L3MBTL3: variants seen among roughly 807,000 people sequenced by gnomAD.
L3MBTL3 encodes lethal(3)malignant brain tumor-like protein 3.
In L3MBTL3, 27 loss-of-function variants were observed where a neutral mutation model predicts 102.3. The ratio of observed to expected loss-of-function variants is 0.26; its 90% CI spans 0.19 to 0.36. L3MBTL3 has a LOEUF of 0.36. Ranked by LOEUF, L3MBTL3 falls within the 10% of genes least tolerant of loss-of-function variation. The pLI is 1.00. For missense variants in L3MBTL3, 798 were observed against 955.3 expected, an observed-to-expected ratio of 0.84 and a Z score of 2.17; for synonymous variants, 340 against 320.9, an observed-to-expected ratio of 1.06 and a Z score of -0.64.
At chr6:130,078,667 C>A in intron 14 of L3MBTL3, 33 bp downstream of exon 14, 1 of 1,404,804 alleles carries the variant, frequency 7.1e-7, no homozygotes, top group African/African-American at 1.4e-5. Flanking sequence ...TAATACTATT[C>A]GTAGACTTCA....
chr6:130,110,307 G>A (rs6916383), intron 19 of L3MBTL3, among the ~76,000 whole-genome samples: 6,177 of 152,228 alleles, frequency 0.041, 402 homozygotes, highest in African/African-American at 0.14. Context: ...CCATTTTCAC[G>A]ATATTGTTTC....
intron 2 of L3MBTL3, among the ~76,000 whole-genome samples, chr6:130,041,107 C>G (rs1780395480): frequency 6.6e-6 from 1 of 152,142 alleles, no homozygotes; most frequent in Non-Finnish European, 1.5e-5. Context: ...GGCTCAGAGA[C>G]CCTTGAGGAA....
chr6:130,137,413 G>A (rs911833121), intron 22 of L3MBTL3, among the ~76,000 whole-genome samples: 1 of 152,190 alleles, frequency 6.6e-6, no homozygotes, highest in Non-Finnish European at 1.5e-5. Flanking sequence ...GTACTTTCCT[G>A]AATTAAGTTG....
At chr6:130,082,532 A>G (rs1299167912) in intron 14 of L3MBTL3, among the ~76,000 whole-genome samples, 2 of 152,210 alleles carry the variant, frequency 1.3e-5, no homozygotes, top group Non-Finnish European at 2.9e-5. Context: ...GTAACCAGTT[A>G]TAGCCCCTTT....
chr6:130,026,065 G>A (rs116808566), intron 2 of L3MBTL3, among the ~76,000 whole-genome samples: 81 of 152,232 alleles, frequency 5.3e-4, no homozygotes, highest in African/African-American at 1.8e-3. Flanking sequence ...TGGTAAATGT[G>A]TTCCTGTGAT....
chr6:130,108,588 A>G (rs913971842), intron 19 of L3MBTL3, among the ~76,000 whole-genome samples: 12 of 151,856 alleles, frequency 7.9e-5, no homozygotes, highest in Admixed American at 7.2e-4. Context: ...TTGTTTCATT[A>G]TATGTCTTTT....
intron 20 of L3MBTL3, among the ~76,000 whole-genome samples, chr6:130,122,926 C>T (rs1405488902): frequency 2.6e-5 from 4 of 151,666 alleles, no homozygotes; most frequent in Non-Finnish European, 1.5e-5. Context: ...GGAGTATTCA[C>T]TCTTATTAAT....
chr6:130,093,521 C>CA, intron 17 of L3MBTL3, among the ~76,000 whole-genome samples: 1 of 152,276 alleles, frequency 6.6e-6, no homozygotes, highest in Admixed American at 6.5e-5. Flanking sequence ...ACATGGCATT[C>CA]AGTGTAGCCT....
rs1200799828 is a variant in L3MBTL3 at position 130,133,501 on chromosome 6, C to G, written c.2016C>G (p.Val672=). Residue 672 remains valine, a synonymous_variant, in exon 21 of 23, where the codon GTC becomes GTG. Coordinates refer to ENST00000361794, the MANE Select transcript of L3MBTL3 (RefSeq NM_032438.4). The surrounding 1 kb of genome is among the most constrained non-coding windows in gnomAD (Gnocchi z 4.9). ...TVQQAQRRSA[V]FLSFKSPIPC... is the part of the protein sequence containing the mutation. ...AGCAGGCACAGCGTCGGTCAGCTGT[C>G]TTTCTGTCCTTTAAGTCCCCAATTC... 1 of 1,614,176 alleles carries G rather than the reference C, an allele frequency of 6.2e-7. No homozygotes were observed. The highest frequency in any genetic ancestry group is 1.7e-5 in the Admixed American group (1 of 60,034).
intron 2 of L3MBTL3, among the ~76,000 whole-genome samples, chr6:130,027,842 T>C (rs1336576380): frequency 6.6e-6 from 1 of 152,190 alleles, no homozygotes; most frequent in Non-Finnish European, 1.5e-5. Flanking sequence ...TGTGTCAGGT[T>C]CTTGTTCTTT....
intron 2 of L3MBTL3, among the ~76,000 whole-genome samples, chr6:130,031,390 A>G (rs563544404): frequency 6.6e-6 from 1 of 152,336 alleles, no homozygotes; most frequent in African/African-American, 2.4e-5. Flanking sequence ...GAGGGATTCC[A>G]TGGAACTTGA....
At chr6:130,044,151 A>G (rs548674062) in intron 3 of L3MBTL3, among the ~76,000 whole-genome samples, 14 of 152,328 alleles carry the variant, frequency 9.2e-5, no homozygotes, top group Non-Finnish European at 2.1e-4. Context: ...TGTCAACTAC[A>G]TAATAGCTAC....
At chr6:130,122,103 T>C (rs1055832742) in intron 20 of L3MBTL3, among the ~76,000 whole-genome samples, 3 of 152,214 alleles carry the variant, frequency 2.0e-5, no homozygotes, top group Admixed American at 6.5e-5. Context: ...ATAAATCAAA[T>C]ATAACAATAA....
At chr6:130,067,563 G>T (rs966675743) in intron 11 of L3MBTL3, among the ~76,000 whole-genome samples, 1 of 152,096 alleles carries the variant, frequency 6.6e-6, no homozygotes, top group Non-Finnish European at 1.5e-5. Flanking sequence ...AAAAATAATG[G>T]CAGAGTGGTA....
intron 20 of L3MBTL3, among the ~76,000 whole-genome samples, chr6:130,129,820 C>T (rs577689623): frequency 6.6e-6 from 1 of 152,296 alleles, no homozygotes; most frequent in South Asian, 2.1e-4. Context: ...CTTCCTTACT[C>T]TTGGCACTGA....
chr6:130,063,487 C>T (rs1782044714), intron 10 of L3MBTL3, among the ~76,000 whole-genome samples: 1 of 152,144 alleles, frequency 6.6e-6, no homozygotes, highest in African/African-American at 2.4e-5. Context: ...TTACGCTCCA[C>T]AAATTACCTT....
intron 10 of L3MBTL3, among the ~76,000 whole-genome samples, chr6:130,062,577 T>TC (rs1305223834): frequency 1.3e-5 from 2 of 149,368 alleles, no homozygotes; most frequent in South Asian, 2.1e-4. Context: ...TTTTTTTTTT[T>TC]AGAAATGGGG....
At position 130,133,780 on chromosome 6, in the gene L3MBTL3, A is replaced by G; in HGVS notation, c.2137-63A>G. 1 of 1,501,882 alleles carries G rather than the reference A, an allele frequency of 6.7e-7. No homozygotes were observed. Among genetic ancestry groups the G allele is most frequent in the Non-Finnish European group, 9.3e-7 (1 of 1,079,470 alleles). The allele number at this position is 1,501,882 out of a possible 1,614,324, so 93.0% of individuals were successfully genotyped here. ...AATGCATATGGGTTAAATGTTTTGAACCTGTAGCATTTAGATTCTGACTGT... is the reference window on the plus strand; with the variant it reads ...AATGCATATGGGTTAAATGTTTTGAGCCTGTAGCATTTAGATTCTGACTGT... On this transcript the variant is annotated intron_variant, in intron 21 of 22. Transcript: ENST00000361794. The surrounding 1 kb of genome is among the most constrained non-coding windows in gnomAD (Gnocchi z 4.9).
At chr6:130,051,145 CTTTA>C in intron 5 of L3MBTL3, 100 bp from the exon 6 acceptor site, 1 of 911,568 alleles carries the variant, frequency 1.1e-6, no homozygotes, top group Middle Eastern at 3.3e-4. Flanking sequence ...AAACACTATT[CTTTA>C]TTGTGTTGCT....
Sources: gnomAD v4.1 joint callset for allele counts (sites outside exome capture counted in the v4.1 genomes callset) on GRCh38, gnomAD v4.1.1 for gene constraint, Gnocchi (gnomAD v3.1) non-coding constraint, MANE v1.5 for transcripts, NCBI Gene and HGNC (gene_info 2026-07-23, HGNC 2026-07-21) for gene names.